Variants in CBFA2T3 observed in about 807,000 individuals in gnomAD.
The protein encoded by CBFA2T3 is transcriptional corepressor CBFA2T3.
Under a neutral mutation model 58.6 loss-of-function variants are expected in CBFA2T3, and 31 were observed. The observed-to-expected ratio is 0.53, with a 90% CI of 0.40 to 0.71. The LOEUF is 0.71. Among genes scored for constraint, CBFA2T3 ranks in the 30% least tolerant of loss-of-function variants. The pLI is 0.00. For synonymous variants in CBFA2T3, 531 were observed against 421.9 expected (o/e 1.26, Z -3.17); for missense variants, 1,076 against 963.1 (o/e 1.12, Z -1.55).
At chr16:88,880,907 G>T in intron 9 of CBFA2T3, 119 bp from the exon 10 acceptor site, 1 of 953,340 alleles carries the variant, frequency 1.0e-6, no homozygotes, top group Non-Finnish European at 1.6e-6. Context: ...TCCCTGGGGG[G>T]AGGCCCAGGT....
At chr16:88,917,071 CA>C (rs781169197) in intron 1 of CBFA2T3, among the ~76,000 whole-genome samples, 862 of 81,000 alleles carry the variant, frequency 0.011, 4 homozygotes, top group African/African-American at 0.027. Context: ...GACTCTGTCT[CA>C]AAAAAAAAAA....
chr16:88,935,014 A>C (rs1317511695), intron 1 of CBFA2T3, among the ~76,000 whole-genome samples: 2 of 152,108 alleles, frequency 1.3e-5, no homozygotes, highest in Non-Finnish European at 2.9e-5. Context: ...TGCTGGGATT[A>C]CAGGCGTAAG....
chr16:88,894,184 CAT>C lies in CBFA2T3; in HGVS notation c.380-1701_380-1700del, dbSNP rs1225868917. The stretch of plus-strand genomic sequence containing the variant: ...GCACACATGCACACACACATGCATA[CAT>C]ATACACATGCACACAATGTACACAC... On this transcript the variant is annotated intron_variant, in intron 3 of 11. Transcript: ENST00000268679. Among the ~76,000 whole-genome samples, 128 of 147,548 alleles carry C rather than the reference CAT, an allele frequency of 8.7e-4. 2 individuals carry two copies. Among genetic ancestry groups the C allele is most frequent in the African/African-American group, 3.1e-3 (119 of 37,876 alleles).
chr16:88,964,603 G>A (rs1036078717), intron 1 of CBFA2T3, among the ~76,000 whole-genome samples: 5 of 152,130 alleles, frequency 3.3e-5, no homozygotes, highest in South Asian at 2.1e-4. Flanking sequence ...CTCCCTCATC[G>A]CGGAATAATA....
chr16:88,902,322 T>C (rs954762820), intron 1 of CBFA2T3: 1 of 152,248 alleles, frequency 6.6e-6, no homozygotes, highest in South Asian at 2.1e-4. Flanking sequence ...AGAGGCGGCA[T>C]TGACTTCAGG....
Position 88,958,393 on chromosome 16 carries a change from G to A in CBFA2T3, c.151+18264C>T, listed in dbSNP as rs1174749788. Among the ~76,000 whole-genome samples, 1 of 152,178 alleles carries A rather than the reference G, an allele frequency of 6.6e-6. No homozygotes were observed. On this transcript the variant is annotated intron_variant, in intron 1 of 11. Coordinates refer to ENST00000268679, the MANE Select transcript of CBFA2T3 (RefSeq NM_005187.6). This position sits in a 1 kb window ranked among gnomAD's most constrained non-coding sequence, Gnocchi z 4.0. ...ATGGGGAACTCCTCCAGGAAGGAAA[G>A]GAGAAGTTTTATTTGGGGTGGGGGT...
At chr16:88,919,445 CCAGG>C in intron 1 of CBFA2T3, among the ~76,000 whole-genome samples, 1 of 152,192 alleles carries the variant, frequency 6.6e-6, no homozygotes, top group South Asian at 2.1e-4. Context: ...CTTTGCAGCA[CCAGG>C]GAACAAGCAC....
In CBFA2T3 at chr16:88,885,022, C is replaced by A. The variant is rs746367268; in HGVS notation, c.1117+24G>T. On this transcript the variant is annotated intron_variant, in intron 7 of 11. Coordinates refer to ENST00000268679, the MANE Select transcript of CBFA2T3 (RefSeq NM_005187.6). This position sits in a 1 kb window ranked among gnomAD's most constrained non-coding sequence, Gnocchi z 5.3. ...TGTGCTCCTGTAACACGCGTCCACGCTCCCGCCCCACCGGGCTGCTCACCA... is the reference window on the plus strand; with the variant it reads ...TGTGCTCCTGTAACACGCGTCCACGATCCCGCCCCACCGGGCTGCTCACCA... The A allele has an allele frequency of 6.4e-7, 1 of 1,560,836 alleles. No homozygotes were observed. The highest frequency in any genetic ancestry group is 8.7e-7 in the Non-Finnish European group (1 of 1,152,410).
intron 7 of CBFA2T3, chr16:88,884,798 C>T: frequency 6.8e-6 from 3 of 440,192 alleles, no homozygotes; most frequent in Non-Finnish European, 1.2e-5. Context: ...CGGATGAGAA[C>T]CACGTGGGCA....
chr16:88,976,428 G>A (rs1188789403), intron 1 of CBFA2T3, among the ~76,000 whole-genome samples: 1 of 152,164 alleles, frequency 6.6e-6, no homozygotes, highest in Non-Finnish European at 1.5e-5. Context: ...GGGTGGGGCT[G>A]GGGCACCTGG....
chr16:88,905,209 G>T (rs577233419), intron 1 of CBFA2T3, among the ~76,000 whole-genome samples: 1 of 152,054 alleles, frequency 6.6e-6, no homozygotes, highest in Admixed American at 6.5e-5. Context: ...CGGGCACATC[G>T]TCTCTCTCCT....
At chr16:88,902,607 G>A (rs1263090968) in intron 1 of CBFA2T3, 1 of 152,286 alleles carries the variant, frequency 6.6e-6, no homozygotes, top group African/African-American at 2.4e-5. Context: ...GCACAGACGT[G>A]CCCGAGACAC....
intron 1 of CBFA2T3, among the ~76,000 whole-genome samples, chr16:88,920,420 G>A (rs112480901): frequency 2.6e-5 from 4 of 151,696 alleles, no homozygotes; most frequent in African/African-American, 7.3e-5. Context: ...GAGGTTACAG[G>A]TGCCCACCAC....
intron 1 of CBFA2T3, among the ~76,000 whole-genome samples, chr16:88,932,011 C>T (rs777786594): frequency 3.9e-5 from 6 of 152,110 alleles, no homozygotes; most frequent in Admixed American, 6.5e-5. Context: ...GTTTTCACAC[C>T]GTGGTACCCC....
chr16:88,913,203 C>T (rs1347470760), intron 1 of CBFA2T3, among the ~76,000 whole-genome samples: 1 of 152,242 alleles, frequency 6.6e-6, no homozygotes, highest in Admixed American at 6.5e-5. Context: ...GCCCCACTAG[C>T]CCTCTGTGGA....
Position 88,886,030 on chromosome 16 carries a change from G to C in CBFA2T3, c.824C>G (p.Ser275Cys). 6.4e-7 allele frequency: 1 copy of C among 1,571,238 alleles called. No individual in the cohort carries two copies. Among genetic ancestry groups the C allele is most frequent in the African/African-American group, 1.3e-5 (1 of 74,668 alleles). Residue 275 changes from serine (S) to cysteine (C), a missense_variant, in exon 6 of 12, where the codon TCC (serine) becomes TGC (cysteine). Ser to Cys is a moderately radical substitution (Grantham distance 112). Coordinates refer to ENST00000268679, the MANE Select transcript of CBFA2T3 (RefSeq NM_005187.6). Reference sequence around the variant, plus strand: ...CAGCTCTGAGGAGTCGATGGGGGAGGAGGCGCTGGCGTCCAGCAGGAGCTG... The same window carrying C: ...CAGCTCTGAGGAGTCGATGGGGGAGCAGGCGCTGGCGTCCAGCAGGAGCTG... ...HEQLLLDASASSPIDSSELLL... is the reference protein window; with the variant it reads ...HEQLLLDASACSPIDSSELLL...
intron 1 of CBFA2T3, among the ~76,000 whole-genome samples, chr16:88,917,541 C>T (rs997982549): frequency 1.1e-4 from 17 of 152,322 alleles, no homozygotes; most frequent in African/African-American, 3.8e-4. Context: ...CCAGGGGAGG[C>T]TACACCGGTT....
chr16:88,953,873 C>A lies in CBFA2T3; in HGVS notation c.151+22784G>T, dbSNP rs970156969. 2.6e-5 allele frequency among the ~76,000 whole-genome samples: 4 copies of A among 152,124 alleles called. No individual in the cohort carries two copies. The highest frequency in any genetic ancestry group is 9.7e-5 in the African/African-American group (4 of 41,412). Reference sequence around the variant, plus strand: ...ACTTTGGGGCTGCCATGGGCCTTGTCACCTGCATTGGGCTGGTGAGGACAG... The same window carrying A: ...ACTTTGGGGCTGCCATGGGCCTTGTAACCTGCATTGGGCTGGTGAGGACAG... On this transcript the variant is annotated intron_variant, in intron 1 of 11. Coordinates refer to ENST00000268679, the MANE Select transcript of CBFA2T3 (RefSeq NM_005187.6). This position sits in a 1 kb window ranked among gnomAD's most constrained non-coding sequence, Gnocchi z 4.9.
intron 1 of CBFA2T3, chr16:88,939,338 T>C (rs1971624175): frequency 6.6e-6 from 1 of 152,262 alleles, no homozygotes; most frequent in Non-Finnish European, 1.5e-5. Context: ...TCATGTGAAC[T>C]TCCCTTCTCC....
Sources: gnomAD v4.1 joint callset for allele counts (sites outside exome capture counted in the v4.1 genomes callset) on GRCh38, gnomAD v4.1.1 for gene constraint, Gnocchi (gnomAD v3.1) non-coding constraint, MANE v1.5 for transcripts, NCBI Gene and HGNC (gene_info 2026-07-23, HGNC 2026-07-21) for gene names.